UBAC2: variants seen among roughly 807,000 people sequenced by gnomAD.
UBAC2 encodes ubiquitin-associated domain-containing protein 2.
UBAC2 carries 26 observed loss-of-function variants against 44.0 expected under a neutral mutation model. The ratio of observed to expected loss-of-function variants is 0.59; its 90% confidence interval spans 0.43 to 0.82. UBAC2 has a LOEUF of 0.82. UBAC2 is among the 40% of genes least tolerant of loss of function. The probability of loss-of-function intolerance (pLI) is 0.00; values close to 1 mark genes in which losing one functional copy is unlikely to be tolerated. For synonymous variants in UBAC2, 155 were observed against 154.3 expected (o/e 1.00, Z -0.04); for missense variants, 329 against 419.4 (o/e 0.78, Z 1.88).
At chr13:99,358,498 C>T (rs2138873756) in intron 7 of UBAC2, among the ~76,000 whole-genome samples, 1 of 152,276 alleles carries the variant, frequency 6.6e-6, no homozygotes, top group East Asian at 1.9e-4. Context: ...TTTGGGAAAA[C>T]ATGGTTATTT....
At chr13:99,242,758 G>A in intron 2 of UBAC2, among the ~76,000 whole-genome samples, 1 of 149,848 alleles carries the variant, frequency 6.7e-6, no homozygotes. Context: ...CCCGGACGGG[G>A]TGGCTGCCGG....
intron 4 of UBAC2, among the ~76,000 whole-genome samples, chr13:99,260,482 G>A (rs2043643862): frequency 6.6e-6 from 1 of 152,184 alleles, no homozygotes; most frequent in Non-Finnish European, 1.5e-5. Flanking sequence ...CAGCTTATGA[G>A]ATGGGGAGAC....
At chr13:99,206,114 A>G (rs928534950) in intron 1 of UBAC2, 4 of 152,778 alleles carry the variant, frequency 2.6e-5, no homozygotes, top group African/African-American at 7.2e-5. Flanking sequence ...GCAGGAGCTC[A>G]TTTCAGGAGA....
At chr13:99,316,246 T>G (rs2044487864) in intron 5 of UBAC2, among the ~76,000 whole-genome samples, 1 of 152,068 alleles carries the variant, frequency 6.6e-6, no homozygotes, top group Non-Finnish European at 1.5e-5. Context: ...TCTTCTTGAC[T>G]GTCTGGTGTC....
rs186396283 is a variant in UBAC2 at position 99,361,728 on chromosome 13, C to A, written c.808-6059C>A. On this transcript the variant is annotated intron_variant, in intron 7 of 8. Coordinates refer to ENST00000403766, the MANE Select transcript of UBAC2 (RefSeq NM_001144072.2). ...AATGCCGACAGCACCACCATCCTGT[C>A]CCCCCTCCCCTCCTTCACATAACAA... Among the ~76,000 whole-genome samples the A allele has an allele frequency of 2.3e-3, 357 of 152,272 alleles. 1 individual carries two copies. The Middle Eastern group carries it at 0.037, about 16-fold the overall frequency.
intron 1 of UBAC2, among the ~76,000 whole-genome samples, chr13:99,221,115 A>G (rs1168150222): frequency 6.6e-6 from 1 of 152,120 alleles, no homozygotes; most frequent in East Asian, 1.9e-4. Context: ...TAATTTACCC[A>G]TTTCCCAATT....
At chr13:99,322,738 G>T (rs12232061) in intron 6 of UBAC2, among the ~76,000 whole-genome samples, 26,374 of 152,210 alleles carry the variant, frequency 0.17, 2,489 homozygotes, top group Middle Eastern at 0.23. Context: ...TCTGAGTTTG[G>T]ATTGTTTTCT....
At chr13:99,276,314 C>T (rs117631409) in intron 4 of UBAC2, among the ~76,000 whole-genome samples, 7 of 152,352 alleles carry the variant, frequency 4.6e-5, no homozygotes, top group Non-Finnish European at 1.0e-4. Flanking sequence ...GCCAGTCACA[C>T]GTTTCAGGAC....
intron 7 of UBAC2, chr13:99,356,008 A>G (rs1207541935): frequency 7.6e-6 from 3 of 397,086 alleles, no homozygotes; most frequent in East Asian, 5.9e-5. Flanking sequence ...TGTTGAAACC[A>G]ACTGAACCTG....
chr13:99,340,804 T>C (rs771706957), intron 7 of UBAC2, among the ~76,000 whole-genome samples: 5 of 152,228 alleles, frequency 3.3e-5, no homozygotes, highest in Non-Finnish European at 5.9e-5. Context: ...TCCACCTATA[T>C]TAGATAAGCA....
chr13:99,327,023 T>C (rs1373055742), intron 6 of UBAC2, among the ~76,000 whole-genome samples: 2 of 152,220 alleles, frequency 1.3e-5, no homozygotes, highest in African/African-American at 2.4e-5. Flanking sequence ...TAGCAGACTC[T>C]ATTTTCTTCG....
At chr13:99,351,051 A>G (rs566313253) in intron 7 of UBAC2, among the ~76,000 whole-genome samples, 166 of 152,232 alleles carry the variant, frequency 1.1e-3, no homozygotes, top group Non-Finnish European at 1.3e-3. Context: ...GCAGCGTAAT[A>G]TAATGAAAAG....
intron 5 of UBAC2, among the ~76,000 whole-genome samples, chr13:99,315,661 C>T (rs2044478868): frequency 2.0e-5 from 3 of 152,046 alleles, no homozygotes; most frequent in Non-Finnish European, 2.9e-5. Context: ...TAATATCTAC[C>T]TTACAGAGGT....
intron 4 of UBAC2, among the ~76,000 whole-genome samples, chr13:99,271,246 A>G (rs1369941066): frequency 6.6e-6 from 1 of 152,196 alleles, no homozygotes; most frequent in African/African-American, 2.4e-5. Flanking sequence ...TTGCAGTTTT[A>G]ATAATTCTAG....
intron 4 of UBAC2, among the ~76,000 whole-genome samples, chr13:99,279,572 CTG>C (rs2043926677): frequency 1.3e-5 from 2 of 152,206 alleles, no homozygotes; most frequent in African/African-American, 4.8e-5. Context: ...CAGGAGGAGA[CTG>C]TGTTAGTTTG....
At chr13:99,356,453 C>T (rs2045184422) in intron 7 of UBAC2, among the ~76,000 whole-genome samples, 1 of 152,240 alleles carries the variant, frequency 6.6e-6, no homozygotes, top group Non-Finnish European at 1.5e-5. Flanking sequence ...ATTGTGTCTC[C>T]TGATCGTATT....
chr13:99,338,685 A>G (rs2044838222), intron 6 of UBAC2, among the ~76,000 whole-genome samples: 2 of 152,208 alleles, frequency 1.3e-5, no homozygotes, highest in South Asian at 2.1e-4. Flanking sequence ...TGAAACCAGA[A>G]GTTGTCCACC....
chr13:99,226,650 C>T (rs2043113310), intron 1 of UBAC2, among the ~76,000 whole-genome samples: 1 of 152,230 alleles, frequency 6.6e-6, no homozygotes, highest in Admixed American at 6.5e-5. Flanking sequence ...CTGTAGGGCT[C>T]TGGACCATTC....
At chr13:99,254,857 A>G (rs1414907306) in intron 4 of UBAC2, 2 of 1,582,528 alleles carry the variant, frequency 1.3e-6, no homozygotes, top group Non-Finnish European at 1.7e-6. Context: ...GATGGGATTG[A>G]AATGAAAGAA....
Sources: allele counts gnomAD v4.1 joint callset (sites outside exome capture counted in the v4.1 genomes callset), GRCh38; gene constraint gnomAD v4.1.1; transcripts MANE v1.5; gene names NCBI Gene and HGNC (gene_info 2026-07-23, HGNC 2026-07-21).